TRPC5: variants seen among roughly 807,000 people sequenced by gnomAD.
The protein encoded by TRPC5 is short transient receptor potential channel 5.
In TRPC5, 9 loss-of-function variants were observed where a neutral mutation model predicts 56.5. The observed-to-expected ratio is 0.16, with a 90% confidence interval of 0.10 to 0.28. The LOEUF (loss-of-function observed/expected upper bound fraction) is 0.28. Among genes scored for constraint, TRPC5 ranks in the 10% least tolerant of loss-of-function variants. The probability of loss-of-function intolerance (pLI) is 1.00; values close to 1 mark genes in which losing one functional copy is unlikely to be tolerated. For missense variants in TRPC5, 469 were observed against 748.9 expected, an observed-to-expected ratio of 0.63 and a Z score of 4.36; for synonymous variants, 282 against 278.5, an observed-to-expected ratio of 1.01 and a Z score of -0.13.
chrX:111,886,719 G>A (rs749017401), intron 3 of TRPC5, among the ~76,000 whole-genome samples: 7 of 111,873 alleles, frequency 6.3e-5, no homozygotes, highest in Middle Eastern at 4.6e-3. Context: ...CTCCCTCTCT[G>A]GTACTGTGGA....
intron 7 of TRPC5, among the ~76,000 whole-genome samples, chrX:111,788,452 A>AT (rs1172128862): frequency 8.9e-6 from 1 of 112,083 alleles, no homozygotes; most frequent in African/African-American, 3.2e-5. Flanking sequence ...CCCACAGCCA[A>AT]TATCATACTG....
intron 1 of TRPC5, among the ~76,000 whole-genome samples, chrX:112,014,142 G>C (rs901661318): frequency 1.8e-5 from 2 of 111,599 alleles, no homozygotes; most frequent in African/African-American, 6.5e-5. Context: ...GGTGCTGCTG[G>C]TGCTGCTGGT....
At chrX:111,963,112 G>A (rs1349829152) in intron 1 of TRPC5, among the ~76,000 whole-genome samples, 3 of 111,980 alleles carry the variant, frequency 2.7e-5, no homozygotes, top group African/African-American at 9.7e-5. Context: ...TGGAAAATCG[G>A]GTCACTCCCA....
intron 1 of TRPC5, among the ~76,000 whole-genome samples, chrX:112,076,555 A>G (rs1364098331): frequency 8.9e-6 from 1 of 112,064 alleles, no homozygotes; most frequent in Non-Finnish European, 1.9e-5. Context: ...TAAAGATTTT[A>G]TCAGGCAGAA....
intron 2 of TRPC5, among the ~76,000 whole-genome samples, chrX:111,935,840 T>C (rs1464706475): frequency 8.9e-6 from 1 of 112,000 alleles, no homozygotes; most frequent in East Asian, 2.8e-4. Flanking sequence ...TCTGTTTTTA[T>C]GCCAGTACCA....
At chrX:111,955,722 T>C (rs1248430416) in intron 1 of TRPC5, among the ~76,000 whole-genome samples, 1 of 111,848 alleles carries the variant, frequency 8.9e-6, no homozygotes, top group Non-Finnish European at 1.9e-5. Flanking sequence ...TGCTTGCTGT[T>C]AGGCCTACTC....
intron 3 of TRPC5, among the ~76,000 whole-genome samples, chrX:111,884,151 C>T (rs1924360601): frequency 8.9e-6 from 1 of 112,418 alleles, no homozygotes; most frequent in South Asian, 3.7e-4. Context: ...TAAGGCCTGG[C>T]TAGAGTTTTA....
chrX:111,980,924 T>TAC (rs112411131), intron 1 of TRPC5, among the ~76,000 whole-genome samples: 169 of 101,703 alleles, frequency 1.7e-3, no homozygotes, highest in South Asian at 5.1e-3. Context: ...TATATATATA[T>TAC]ACACACACAC....
chrX:111,978,946 A>G (rs1928004801), intron 1 of TRPC5, among the ~76,000 whole-genome samples: 1 of 111,757 alleles, frequency 8.9e-6, no homozygotes, highest in African/African-American at 3.2e-5. Flanking sequence ...TTATGGAAGA[A>G]TGAATACTTT....
chrX:112,005,463 T>TAAAAAA lies in TRPC5; in HGVS notation c.-21-53028_-21-53023dup, dbSNP rs745973541. ...GTACCCCTGAAACTGAACCTAAAAG[T>TAAAAAA]AAAAAAAAAAAAAAAAAAATATCTT... On this transcript the variant is annotated intron_variant, in intron 1 of 10. Coordinates refer to ENST00000262839, the MANE Select transcript of TRPC5 (RefSeq NM_012471.3). 1.4e-3 allele frequency among the ~76,000 whole-genome samples: 91 copies of TAAAAAA among 66,367 alleles called. 1 individual carries two copies. The highest frequency in any genetic ancestry group is 5.0e-3 in the African/African-American group (85 of 16,867). 57.6% of individuals were successfully genotyped at this position (66,367 alleles called of 115,157 possible). A position where few individuals can be genotyped will look rare whatever the true frequency, so the allele number is the denominator to read the frequency against.
intron 1 of TRPC5, among the ~76,000 whole-genome samples, chrX:111,953,325 A>G (rs992068698): frequency 2.7e-5 from 3 of 112,465 alleles, no homozygotes; most frequent in South Asian, 3.7e-4. Context: ...TAATAGAATT[A>G]GTTTTAAAGT....
Position 111,772,656 on chromosome X carries a change from T to C in TRPC5, c.*3657A>G, listed in dbSNP as rs188608066. On this transcript the variant is annotated 3_prime_UTR_variant, in exon 11 of 11. Coordinates refer to ENST00000262839, the MANE Select transcript of TRPC5 (RefSeq NM_012471.3). ...CATGTTGGCCAGGCTGATCTCAAAC[T>C]CCTGGACTCAAGTGAACCACCCATT... Among the ~76,000 whole-genome samples the C allele has an allele frequency of 2.6e-3, 290 of 111,097 alleles. 2 individuals carry two copies. Among genetic ancestry groups the C allele is most frequent in the Non-Finnish European group, 4.8e-3 (256 of 53,029 alleles).
intron 3 of TRPC5, among the ~76,000 whole-genome samples, chrX:111,900,279 C>A (rs775423436): frequency 8.9e-6 from 1 of 111,803 alleles, no homozygotes; most frequent in Admixed American, 9.5e-5. Context: ...TAGATGACTA[C>A]TTCCTAAGAC....
intron 1 of TRPC5, among the ~76,000 whole-genome samples, chrX:111,964,605 A>G (rs1238973122): frequency 8.9e-6 from 1 of 112,792 alleles, no homozygotes; most frequent in African/African-American, 3.2e-5. Flanking sequence ...AGGGAAGCTC[A>G]TCAGACTAAC....
At chrX:111,962,075 G>GA (rs57852462) in intron 1 of TRPC5, among the ~76,000 whole-genome samples, 25,460 of 110,415 alleles carry the variant, frequency 0.23, 3,230 homozygotes, top group African/African-American at 0.49. Flanking sequence ...TAGACACTGG[G>GA]ACTCCAGAAA....
chrX:111,894,513 T>C (rs985979680), intron 3 of TRPC5, among the ~76,000 whole-genome samples: 17 of 111,649 alleles, frequency 1.5e-4, no homozygotes, highest in Admixed American at 7.6e-4. Context: ...CTTGTATCAA[T>C]TAAAAACTCG....
Position 111,992,391 on chromosome X carries a change from C to A in TRPC5, c.-21-39950G>T, listed in dbSNP as rs761460306. On this transcript the variant is annotated intron_variant, in intron 1 of 10. Transcript: ENST00000262839. ...GCAGCTTTAAGCATTTGAAGATATA[C>A]ATTTTTTAAAATTGCATTTACTCAT... Among the ~76,000 whole-genome samples, 19 of 111,334 alleles carry A rather than the reference C, an allele frequency of 1.7e-4. No individual in the cohort carries two copies. In the Middle Eastern group the frequency reaches 0.019, roughly 109 times the overall value.
At chrX:112,006,159 A>T (rs974163349) in intron 1 of TRPC5, among the ~76,000 whole-genome samples, 2 of 111,186 alleles carry the variant, frequency 1.8e-5, no homozygotes, top group Non-Finnish European at 3.8e-5. Flanking sequence ...GCTCAACAAC[A>T]TGCAAATTAT....
chrX:111,821,250 T>TG (rs1281752522), intron 7 of TRPC5, among the ~76,000 whole-genome samples: 2 of 111,862 alleles, frequency 1.8e-5, no homozygotes, highest in Non-Finnish European at 3.8e-5. Context: ...CCAGGAGTTC[T>TG]GTAAGTTCAA....
Sources: allele counts gnomAD v4.1 joint callset (sites outside exome capture counted in the v4.1 genomes callset), GRCh38; gene constraint gnomAD v4.1.1; transcripts MANE v1.5; gene names NCBI Gene and HGNC (gene_info 2026-07-23, HGNC 2026-07-21).